DIAPH3: variants seen among roughly 807,000 people sequenced by gnomAD.
DIAPH3 encodes the protein diaphanous related formin 3, also known as protein diaphanous homolog 3.
A neutral mutation model predicts 144.3 loss-of-function variants in DIAPH3; 117 were observed. The ratio of observed to expected loss-of-function variants is 0.81; its 90% CI spans 0.70 to 0.95. The LOEUF (loss-of-function observed/expected upper bound fraction) is 0.95, where lower values mean the gene tolerates loss of function less well. DIAPH3 is among the 40% of genes least tolerant of loss of function. The pLI is 0.00. For synonymous variants in DIAPH3, 519 were observed against 488.9 expected, an observed-to-expected ratio of 1.06 and a Z score of -0.81; for missense variants, 1,421 against 1,412.7, an observed-to-expected ratio of 1.01 and a Z score of -0.09.
chr13:60,033,467 C>A (rs949057128), intron 5 of DIAPH3, among the ~76,000 whole-genome samples: 1 of 152,192 alleles, frequency 6.6e-6, no homozygotes, highest in Non-Finnish European at 1.5e-5. Flanking sequence ...ATGACACCAG[C>A]ATCTGCTTGC....
rs570304354 is a variant in DIAPH3 at position 59,767,656 on chromosome 13, G to A, written c.3319+6533C>T. On this transcript the variant is annotated intron_variant, in intron 27 of 27. Transcript: ENST00000400324. Reference sequence around the variant, plus strand: ...ATTTAAAAAGATCATAATAATTATAGTCCACTATGGAACACAAGCAGAACA... The same window carrying A: ...ATTTAAAAAGATCATAATAATTATAATCCACTATGGAACACAAGCAGAACA... Among the ~76,000 whole-genome samples the A allele has an allele frequency of 1.6e-4, 24 of 152,160 alleles. 1 individual carries two copies. The highest frequency in any genetic ancestry group is 3.4e-3 in the Middle Eastern group (1 of 294).
chr13:59,992,345 A>G, intron 10 of DIAPH3, 128 bp downstream of exon 10: 5 of 1,080,142 alleles, frequency 4.6e-6, no homozygotes, highest in Non-Finnish European at 6.7e-6. Context: ...CTATATTTCA[A>G]AAATAGATTT....
In DIAPH3 at chr13:59,809,218, C is replaced by T. The variant is rs552293700; in HGVS notation, c.3163+1570G>A. On this transcript the variant is annotated intron_variant, in intron 25 of 27. Coordinates refer to ENST00000400324, the MANE Select transcript of DIAPH3 (RefSeq NM_001042517.2). ...AGACAACGCTAAAAGAGCTAATGTT[C>T]AGGCTGGGAGCAGTGGCTCACGCCT... Among the ~76,000 whole-genome samples the T allele has an allele frequency of 3.3e-5, 5 of 152,264 alleles. No individual in the cohort carries two copies. In the South Asian group the frequency reaches 1.0e-3, roughly 32 times the overall value.
intron 2 of DIAPH3, among the ~76,000 whole-genome samples, chr13:60,125,027 C>T (rs1035583047): frequency 2.0e-5 from 3 of 152,154 alleles, no homozygotes; most frequent in East Asian, 1.9e-4. Flanking sequence ...TCTCTTCCCC[C>T]AGTTTCCCCA....
chr13:60,115,689 T>C (rs1349870864), intron 2 of DIAPH3, among the ~76,000 whole-genome samples: 3 of 152,148 alleles, frequency 2.0e-5, no homozygotes, highest in Non-Finnish European at 2.9e-5. Context: ...TTTTTTATAA[T>C]AGATTTGTAA....
At chr13:60,063,440 C>T (rs2056844216) in intron 4 of DIAPH3, among the ~76,000 whole-genome samples, 1 of 152,124 alleles carries the variant, frequency 6.6e-6, no homozygotes, top group Non-Finnish European at 1.5e-5. Context: ...GATAGACCTC[C>T]CCCCATGAAT....
intron 27 of DIAPH3, among the ~76,000 whole-genome samples, chr13:59,748,804 G>A (rs1325795192): frequency 6.6e-6 from 1 of 152,172 alleles, no homozygotes; most frequent in Admixed American, 6.5e-5. Context: ...ATTAGAGGGG[G>A]CCAGAAGCCA....
intron 27 of DIAPH3, among the ~76,000 whole-genome samples, chr13:59,771,383 T>A (rs1256653024): frequency 1.3e-5 from 2 of 152,154 alleles, no homozygotes; most frequent in African/African-American, 4.8e-5. Context: ...AATGTTTTAA[T>A]ACTGAGTTTA....
At chr13:59,805,459 C>T (rs1014697707) in intron 25 of DIAPH3, among the ~76,000 whole-genome samples, 1 of 152,086 alleles carries the variant, frequency 6.6e-6, no homozygotes, top group Middle Eastern at 3.4e-3. Context: ...TTAATAACCA[C>T]TAGGGTCTAT....
At chr13:59,802,773 G>A (rs341535) in intron 25 of DIAPH3, among the ~76,000 whole-genome samples, 14 of 140,096 alleles carry the variant, frequency 1.0e-4, no homozygotes, top group South Asian at 2.4e-4. Context: ...GCTCCGCTTC[G>A]CGGGTTCACG....
chr13:59,876,466 A>G (rs2044636513), intron 21 of DIAPH3, among the ~76,000 whole-genome samples: 2 of 152,194 alleles, frequency 1.3e-5, no homozygotes, highest in South Asian at 2.1e-4. Context: ...TAACAGCTAC[A>G]TTGCATTTGT....
At chr13:59,858,510 A>C (rs1386869130) in intron 22 of DIAPH3, among the ~76,000 whole-genome samples, 1 of 152,200 alleles carries the variant, frequency 6.6e-6, no homozygotes, top group African/African-American at 2.4e-5. Flanking sequence ...AAAGGATGGA[A>C]ATACATGGTG....
intron 17 of DIAPH3, among the ~76,000 whole-genome samples, chr13:59,941,750 C>T (rs2048544181): frequency 6.6e-6 from 1 of 151,990 alleles, no homozygotes; most frequent in Non-Finnish European, 1.5e-5. Flanking sequence ...GAAAAATTCT[C>T]ATTGGATATA....
intron 25 of DIAPH3, among the ~76,000 whole-genome samples, chr13:59,809,859 A>G (rs1052678537): frequency 1.3e-5 from 2 of 152,178 alleles, no homozygotes; most frequent in African/African-American, 4.8e-5. Context: ...GCAACCCTGA[A>G]TTGTAAACTA....
At chr13:60,064,859 G>T (rs1279812223) in intron 4 of DIAPH3, among the ~76,000 whole-genome samples, 1 of 152,098 alleles carries the variant, frequency 6.6e-6, no homozygotes, top group East Asian at 1.9e-4. Context: ...AGAGACTTGG[G>T]ATTCTTCCTT....
At chr13:59,909,332 C>T (rs1023885905) in intron 20 of DIAPH3, among the ~76,000 whole-genome samples, 5 of 149,342 alleles carry the variant, frequency 3.3e-5, no homozygotes, top group Non-Finnish European at 7.4e-5. Context: ...CACTCTTTGT[C>T]CAGTATTTTG....
intron 24 of DIAPH3, among the ~76,000 whole-genome samples, chr13:59,826,283 C>T: frequency 1.2e-5 from 1 of 85,680 alleles, no homozygotes; most frequent in Non-Finnish European, 2.7e-5. Flanking sequence ...TAGAAAACCC[C>T]ATCGTCTCAA....
At chr13:59,854,208 G>A (rs2043137366) in intron 22 of DIAPH3, among the ~76,000 whole-genome samples, 2 of 152,106 alleles carry the variant, frequency 1.3e-5, no homozygotes, top group Non-Finnish European at 1.5e-5. Context: ...GCCACTAGAA[G>A]CTGGAAGAGA....
At chr13:60,009,737 C>A (rs1049377976) in intron 8 of DIAPH3, among the ~76,000 whole-genome samples, 4 of 152,156 alleles carry the variant, frequency 2.6e-5, no homozygotes, top group Non-Finnish European at 5.9e-5. Flanking sequence ...CGAACCTGCT[C>A]AATCCCACCA....
Sources: gnomAD v4.1 joint callset for allele counts (sites outside exome capture counted in the v4.1 genomes callset) on GRCh38, gnomAD v4.1.1 for gene constraint, MANE v1.5 for transcripts, NCBI Gene and HGNC (gene_info 2026-07-23, HGNC 2026-07-21) for gene names.